PRKN: variants seen among roughly 807,000 people sequenced by gnomAD.
PRKN encodes E3 ubiquitin-protein ligase parkin.
Under a neutral mutation model 59.5 loss-of-function variants are expected in PRKN, and 56 were observed. The observed-to-expected ratio is 0.94, with a 90% CI of 0.76 to 1.18. The LOEUF is 1.18. Ranked by LOEUF, PRKN falls within the 50% of genes most tolerant of loss-of-function variation. PRKN has a pLI of 0.00. For missense variants in PRKN, 657 were observed against 596.4 expected (o/e 1.10, Z -1.06); for synonymous variants, 250 against 222.1 (o/e 1.13, Z -1.12).
chr6:162,017,805 T>C (rs537123493), intron 5 of PRKN, among the ~76,000 whole-genome samples: 2 of 152,184 alleles, frequency 1.3e-5, no homozygotes, highest in Non-Finnish European at 2.9e-5. Flanking sequence ...TAACCTTTTC[T>C]GTCACTTAGC....
chr6:161,976,157 G>A (rs567455674), intron 5 of PRKN, among the ~76,000 whole-genome samples: 30 of 152,116 alleles, frequency 2.0e-4, no homozygotes, highest in African/African-American at 4.8e-4. Context: ...CACCTGCCTC[G>A]GCCTCCCAAA....
Position 161,498,673 on chromosome 6 carries a change from C to G in PRKN, c.1083+50181G>C, listed in dbSNP as rs754546645. ...TCCACCTGCCGACCCTGATGGAGAA[C>G]GAGGTCACATCAGTCTCCCTGCCAA... is the stretch of plus-strand genomic sequence containing the variant. On this transcript the variant is annotated intron_variant, in intron 9 of 11. Transcript: ENST00000366898. The surrounding 1 kb of genome is among the most constrained non-coding windows in gnomAD (Gnocchi z 4.2). Among the ~76,000 whole-genome samples, 3 of 152,134 alleles carry G rather than the reference C, an allele frequency of 2.0e-5. No individual in the cohort carries two copies. Among genetic ancestry groups the G allele is most frequent in the Non-Finnish European group, 2.9e-5 (2 of 68,024 alleles).
At chr6:162,117,825 G>A (rs1780739068) in intron 4 of PRKN, among the ~76,000 whole-genome samples, 1 of 152,158 alleles carries the variant, frequency 6.6e-6, no homozygotes, top group Non-Finnish European at 1.5e-5. Context: ...GGGCCGATGT[G>A]GTGGCTCATG....
In PRKN at chr6:161,554,857, T is replaced by C. The variant is rs1780175932; in HGVS notation, c.934-5854A>G. On this transcript the variant is annotated intron_variant, in intron 8 of 11. Coordinates refer to ENST00000366898, the MANE Select transcript of PRKN (RefSeq NM_004562.3). The surrounding 1 kb of genome is among the most constrained non-coding windows in gnomAD (Gnocchi z 4.5). ...ATTATGGATAAGCCTGAAAATAATG[T>C]TTTTTTCCTTTGTAAATTAATTGCC... Among the ~76,000 whole-genome samples, 1 of 151,846 alleles carries C rather than the reference T, an allele frequency of 6.6e-6. No homozygotes were observed. Among genetic ancestry groups the C allele is most frequent in the Admixed American group, 6.6e-5 (1 of 15,238 alleles).
rs1333760813 is a variant in PRKN at position 161,550,492 on chromosome 6, C to T, written c.934-1489G>A. On this transcript the variant is annotated intron_variant, in intron 8 of 11. Transcript: ENST00000366898. This position sits in a 1 kb window ranked among gnomAD's most constrained non-coding sequence, Gnocchi z 4.0. The stretch of plus-strand genomic sequence containing the variant: ...GACGTAAGCTAGGAGCTTATGTCAA[C>T]ATCTATGCAAAAGATGGCACTGGCT... Among the ~76,000 whole-genome samples, 1 of 152,040 alleles carries T rather than the reference C, an allele frequency of 6.6e-6. No homozygotes were observed. Among genetic ancestry groups the T allele is most frequent in the Non-Finnish European group, 1.5e-5 (1 of 68,028 alleles).
chr6:162,179,970 GT>G (rs1389583442), intron 4 of PRKN, among the ~76,000 whole-genome samples: 1 of 26,714 alleles, frequency 3.7e-5, no homozygotes. Context: ...TCTTATTACT[GT>G]GTGTGTGTGT....
rs140459737 is a variant in PRKN at position 162,437,436 on chromosome 6, CT to C, written c.171+5873del. On this transcript the variant is annotated intron_variant, in intron 2 of 11. Transcript: ENST00000366898. The stretch of plus-strand genomic sequence containing the variant: ...GATAGCAGAGAAAGATGCCAGCTAC[CT>C]TTTCCCCAGCTTCCGCCAGTGGTAA... Among the ~76,000 whole-genome samples the C allele has an allele frequency of 2.0e-3, 311 of 152,176 alleles. 2 individuals are homozygous for C. The highest frequency in any genetic ancestry group is 7.2e-3 in the African/African-American group (298 of 41,508).
At chr6:162,063,097 T>C (rs940993631) in intron 4 of PRKN, among the ~76,000 whole-genome samples, 1 of 152,120 alleles carries the variant, frequency 6.6e-6, no homozygotes, top group Non-Finnish European at 1.5e-5. Context: ...AAGGCTCTAA[T>C]CCCACATAAA....
chr6:161,550,741 G>GTGTA lies in PRKN; in HGVS notation c.934-1739_934-1738insTACA, dbSNP rs912676022. On this transcript the variant is annotated intron_variant, in intron 8 of 11. Coordinates refer to ENST00000366898, the MANE Select transcript of PRKN (RefSeq NM_004562.3). The surrounding 1 kb of genome is among the most constrained non-coding windows in gnomAD (Gnocchi z 4.0). The stretch of plus-strand genomic sequence containing the variant: ...AAAGGGTATGTGTGTGTGTGCACGT[G>GTGTA]TGTGTGTGTGTGTGTGTGTGTAGGG... 2.7e-5 allele frequency among the ~76,000 whole-genome samples: 4 copies of GTGTA among 150,182 alleles called. No homozygotes were observed. The highest frequency in any genetic ancestry group is 9.8e-5 in the African/African-American group (4 of 40,920).
intron 8 of PRKN, among the ~76,000 whole-genome samples, chr6:161,558,242 T>C (rs1291763223): frequency 6.6e-6 from 1 of 152,112 alleles, no homozygotes; most frequent in Non-Finnish European, 1.5e-5. Context: ...AATACCCAGC[T>C]GCCTCTTTCT....
At chr6:161,717,477 C>T (rs1272918229) in intron 7 of PRKN, among the ~76,000 whole-genome samples, 1 of 152,178 alleles carries the variant, frequency 6.6e-6, no homozygotes. Flanking sequence ...CTTCAAGACA[C>T]ATCTGTGTTC....
intron 7 of PRKN, among the ~76,000 whole-genome samples, chr6:161,663,976 G>A (rs922838086): frequency 6.6e-6 from 1 of 152,152 alleles, no homozygotes; most frequent in East Asian, 1.9e-4. Flanking sequence ...CAGTGCTCCC[G>A]GGAGCTCCGC....
chr6:162,283,386 G>C (rs1195522190), intron 2 of PRKN, among the ~76,000 whole-genome samples: 1 of 152,146 alleles, frequency 6.6e-6, no homozygotes, highest in Non-Finnish European at 1.5e-5. Context: ...GTGTGTGTTT[G>C]TATGTATGCA....
In PRKN at chr6:162,019,490, A is replaced by G. The variant is rs528611551; in HGVS notation, c.618+34601T>C. 7.9e-4 allele frequency among the ~76,000 whole-genome samples: 120 copies of G among 152,304 alleles called. 1 individual carries two copies. The highest frequency in any genetic ancestry group is 3.7e-3 in the Admixed American group (57 of 15,298). ...AGTCTCCCAGCAGCCTGCTATCTAC[A>G]GATCATTGAAATGATATACTGCAAT... On this transcript the variant is annotated intron_variant, in intron 5 of 11. Transcript: ENST00000366898.
chr6:161,882,732 G>A (rs1415587008), intron 6 of PRKN, among the ~76,000 whole-genome samples: 3 of 152,120 alleles, frequency 2.0e-5, no homozygotes, highest in East Asian at 1.9e-4. Context: ...GGCTGGGCGC[G>A]GTGGCTCACG....
chr6:161,992,571 A>G (rs1781691679), intron 5 of PRKN, among the ~76,000 whole-genome samples: 3 of 152,152 alleles, frequency 2.0e-5, no homozygotes, highest in Admixed American at 6.6e-5. Flanking sequence ...ATAAAGAAAC[A>G]CTGGATTTAA....
intron 7 of PRKN, among the ~76,000 whole-genome samples, chr6:161,653,823 C>G (rs1380207167): frequency 6.6e-6 from 1 of 152,116 alleles, no homozygotes; most frequent in Non-Finnish European, 1.5e-5. Context: ...ACTGAAGATT[C>G]TTTGATGTAA....
At chr6:161,450,123 T>C (rs1228148109) in intron 9 of PRKN, among the ~76,000 whole-genome samples, 1 of 152,198 alleles carries the variant, frequency 6.6e-6, no homozygotes. Flanking sequence ...AGAAGGCCTC[T>C]TGGTGTTCCT....
intron 9 of PRKN, among the ~76,000 whole-genome samples, chr6:161,411,949 C>T (rs930891226): frequency 1.4e-5 from 2 of 138,908 alleles, no homozygotes; most frequent in Non-Finnish European, 3.1e-5. Context: ...CTCATTCCTC[C>T]ACTCATTCAT....
Sources: gnomAD v4.1 joint callset for allele counts (sites outside exome capture counted in the v4.1 genomes callset) on GRCh38, gnomAD v4.1.1 for gene constraint, Gnocchi (gnomAD v3.1) non-coding constraint, MANE v1.5 for transcripts, NCBI Gene and HGNC (gene_info 2026-07-23, HGNC 2026-07-21) for gene names.